LYN: variants seen among roughly 807,000 people sequenced by gnomAD.
The protein encoded by LYN is tyrosine-protein kinase Lyn.
LYN carries 12 observed loss-of-function variants against 65.0 expected under a neutral mutation model. The ratio of observed to expected loss-of-function variants is 0.18; its 90% CI spans 0.12 to 0.30. The LOEUF (loss-of-function observed/expected upper bound fraction) is 0.30, where lower values mean the gene tolerates loss of function less well. Among genes scored for constraint, LYN ranks in the 10% least tolerant of loss-of-function variants. The pLI, the probability that LYN is intolerant of heterozygous loss-of-function variation, is 1.00. For synonymous variants in LYN, 222 were observed against 221.2 expected (o/e 1.00, Z -0.03); for missense variants, 380 against 623.2 (o/e 0.61, Z 4.16).
At chr8:56,000,954 G>C (rs995960959) in intron 12 of LYN, among the ~76,000 whole-genome samples, 1 of 152,128 alleles carries the variant, frequency 6.6e-6, no homozygotes, top group Non-Finnish European at 1.5e-5. Flanking sequence ...TATTGTAGTG[G>C]GGAGAGACTG....
intron 1 of LYN, among the ~76,000 whole-genome samples, chr8:55,906,538 G>A (rs917200638): frequency 3.3e-5 from 5 of 151,900 alleles, no homozygotes; most frequent in Non-Finnish European, 7.4e-5. Flanking sequence ...TGTATTTTTA[G>A]TAGAGACAGA....
intron 1 of LYN, among the ~76,000 whole-genome samples, chr8:55,930,037 C>T (rs145166126): frequency 9.9e-5 from 15 of 152,182 alleles, no homozygotes; most frequent in East Asian, 1.9e-4. Context: ...TGAACCCCAT[C>T]GTGAACTGCA....
At chr8:55,950,423 C>G in intron 4 of LYN, 36 bp from the exon 5 acceptor site, 2 of 1,424,374 alleles carry the variant, frequency 1.4e-6, no homozygotes, top group Non-Finnish European at 2.0e-6. Flanking sequence ...AGTATGTAAT[C>G]TTTTAGCTTC....
intron 10 of LYN, among the ~76,000 whole-genome samples, chr8:55,985,031 G>T (rs1808038014): frequency 6.6e-6 from 1 of 152,184 alleles, no homozygotes; most frequent in Admixed American, 6.5e-5. Flanking sequence ...TAAGCCGCAG[G>T]GGTCCTGTGG....
At chr8:55,968,623 A>G (rs753470185) in intron 9 of LYN, among the ~76,000 whole-genome samples, 1 of 152,130 alleles carries the variant, frequency 6.6e-6, no homozygotes, top group Non-Finnish European at 1.5e-5. Context: ...TCCATGGGTG[A>G]TCTCACTTAG....
chr8:55,954,251 C>A (rs1362217245), intron 8 of LYN, among the ~76,000 whole-genome samples: 1 of 152,170 alleles, frequency 6.6e-6, no homozygotes, highest in Non-Finnish European at 1.5e-5. Flanking sequence ...CTGCCTATTT[C>A]TTCATGATTC....
At chr8:55,922,494 G>A (rs1042655011) in intron 1 of LYN, among the ~76,000 whole-genome samples, 2 of 152,156 alleles carry the variant, frequency 1.3e-5, no homozygotes, top group East Asian at 1.9e-4. Context: ...ATAAACGTAG[G>A]CTGGGTGTGG....
chr8:55,940,671 G>T (rs896750342), intron 1 of LYN, among the ~76,000 whole-genome samples: 5 of 152,192 alleles, frequency 3.3e-5, no homozygotes, highest in African/African-American at 4.8e-5. Context: ...ACCGCGCCCG[G>T]CTGTTTTGTT....
chr8:55,957,405 C>T lies in LYN; in HGVS notation c.790+3421C>T, dbSNP rs1434129638. Among the ~76,000 whole-genome samples, 20 of 152,220 alleles carry T rather than the reference C, an allele frequency of 1.3e-4. No homozygotes were observed. The East Asian group carries it at 3.5e-3, about 26-fold the overall frequency. On this transcript the variant is annotated intron_variant, in intron 8 of 12. Coordinates refer to ENST00000519728, the MANE Select transcript of LYN (RefSeq NM_002350.4). ...GGATATTTGCTGGCAAAGGAATTAA[C>T]GTGTCTGTCATGAAAAGAAATGTAG...
In LYN at chr8:55,880,045, C is replaced by T. The variant is rs1804604000; in HGVS notation, c.-64C>T. On this transcript the variant is annotated 5_prime_UTR_variant, in exon 1 of 13. Coordinates refer to ENST00000519728, the MANE Select transcript of LYN (RefSeq NM_002350.4). ...CTGCTGGGCCGCCCCGTCGCGCCCC[C>T]CACTCTGAACTCAAGTCACCGTGGA... The T allele has an allele frequency of 3.2e-6, 1 of 312,116 alleles. No individual in the cohort carries two copies. The highest frequency in any genetic ancestry group is 6.5e-6 in the Non-Finnish European group (1 of 153,820). 19.3% of individuals were successfully genotyped at this position (312,116 alleles called of 1,614,324 possible). A position where few individuals can be genotyped will look rare whatever the true frequency, so the allele number is the denominator to read the frequency against.
chr8:55,995,142 A>G (rs1808342029), intron 10 of LYN, among the ~76,000 whole-genome samples: 1 of 152,124 alleles, frequency 6.6e-6, no homozygotes, highest in South Asian at 2.1e-4. Flanking sequence ...CCCACTCTAG[A>G]AGGAGCTATC....
At chr8:55,959,405 A>T (rs1807211924) in intron 8 of LYN, among the ~76,000 whole-genome samples, 1 of 152,222 alleles carries the variant, frequency 6.6e-6, no homozygotes, top group Admixed American at 6.5e-5. Flanking sequence ...ATGGGGTTTA[A>T]TGGAACCTAT....
chr8:55,956,356 G>A (rs1359012782), intron 8 of LYN, among the ~76,000 whole-genome samples: 2 of 152,104 alleles, frequency 1.3e-5, no homozygotes, highest in African/African-American at 2.4e-5. Flanking sequence ...TGTGAAGAGT[G>A]TTTAAGCACC....
At chr8:55,917,398 G>A (rs1229061158) in intron 1 of LYN, among the ~76,000 whole-genome samples, 3 of 152,134 alleles carry the variant, frequency 2.0e-5, no homozygotes, top group Non-Finnish European at 4.4e-5. Flanking sequence ...TGCCCAGGCT[G>A]GTCTTGAACT....
At chr8:55,948,843 A>G (rs934621000) in intron 4 of LYN, among the ~76,000 whole-genome samples, 1 of 152,224 alleles carries the variant, frequency 6.6e-6, no homozygotes, top group African/African-American at 2.4e-5. Flanking sequence ...CAGTACCTAG[A>G]TCATGGGGTT....
chr8:55,931,334 T>C (rs1806265541), intron 1 of LYN, among the ~76,000 whole-genome samples: 1 of 150,554 alleles, frequency 6.6e-6, no homozygotes, highest in African/African-American at 2.4e-5. Context: ...AATACATTGA[T>C]ACTTGTATAC....
chr8:55,914,559 A>G (rs1337055109), intron 1 of LYN, among the ~76,000 whole-genome samples: 5 of 152,158 alleles, frequency 3.3e-5, no homozygotes, highest in Non-Finnish European at 7.4e-5. Context: ...CCGGCCATCC[A>G]CATGCCTTCC....
chr8:56,010,541 TGAC>T lies in LYN; in HGVS notation c.*432_*434del, dbSNP rs1193849834. Reference sequence around the variant, plus strand: ...AAAATAACCGGATATATACATAGCATGACATTTCTTTGTGCTTTGGCTTACTTG... The same window carrying T: ...AAAATAACCGGATATATACATAGCATATTTCTTTGTGCTTTGGCTTACTTG... On this transcript the variant is annotated 3_prime_UTR_variant, in exon 13 of 13. Coordinates refer to ENST00000519728, the MANE Select transcript of LYN (RefSeq NM_002350.4). 8.6e-6 allele frequency: 2 copies of T among 232,338 alleles called. No individual in the cohort carries two copies. Among genetic ancestry groups the T allele is most frequent in the Non-Finnish European group, 1.7e-5 (2 of 117,364 alleles). The allele number at this position is 232,338 out of a possible 1,614,324, so 14.4% of individuals were successfully genotyped here.
intron 1 of LYN, among the ~76,000 whole-genome samples, chr8:55,881,862 G>C (rs1804661849): frequency 6.6e-6 from 1 of 152,140 alleles, no homozygotes; most frequent in South Asian, 2.1e-4. Flanking sequence ...CAAAATGATA[G>C]CCCCAGTGCC....
Sources: allele counts gnomAD v4.1 joint callset (sites outside exome capture counted in the v4.1 genomes callset), GRCh38; gene constraint gnomAD v4.1.1; transcripts MANE v1.5; gene names NCBI Gene and HGNC (gene_info 2026-07-23, HGNC 2026-07-21).